Variants in RNF169 observed in about 807,000 individuals in gnomAD.
The protein encoded by RNF169 is E3 ubiquitin-protein ligase RNF169.
RNF169 carries 24 observed loss-of-function variants against 53.9 expected under a neutral mutation model. That is an observed-to-expected ratio of 0.45 (90% CI 0.32 to 0.63). RNF169 has a LOEUF of 0.63. RNF169 is among the 20% of genes least tolerant of loss of function. The probability of loss-of-function intolerance (pLI) is 0.04; values close to 1 mark genes in which losing one functional copy is unlikely to be tolerated. For missense variants in RNF169, 883 were observed against 906.2 expected (o/e 0.97, Z 0.33); for synonymous variants, 396 against 363.5 (o/e 1.09, Z -1.02).
chr11:74,833,848 C>T (rs1307325374), intron 4 of RNF169, among the ~76,000 whole-genome samples: 2 of 152,088 alleles, frequency 1.3e-5, no homozygotes, highest in Admixed American at 6.5e-5. Context: ...CACATATGAT[C>T]CTGGGACAAC....
chr11:74,783,094 G>T (rs1015264986), intron 1 of RNF169, among the ~76,000 whole-genome samples: 2 of 152,020 alleles, frequency 1.3e-5, no homozygotes, highest in African/African-American at 4.8e-5. Flanking sequence ...CTTTCCTTTG[G>T]ATTTGAGTTT....
intron 4 of RNF169, chr11:74,832,047 A>G (rs941361019): frequency 1.3e-5 from 2 of 152,218 alleles, no homozygotes; most frequent in African/African-American, 4.8e-5. Context: ...TAAAACTCTT[A>G]GAAGAAAACA....
chr11:74,781,937 C>G (rs762783857), intron 1 of RNF169, among the ~76,000 whole-genome samples: 2 of 152,160 alleles, frequency 1.3e-5, no homozygotes, highest in Non-Finnish European at 2.9e-5. Flanking sequence ...AGTTAATATT[C>G]AGGGCATAGA....
intron 4 of RNF169, among the ~76,000 whole-genome samples, chr11:74,818,742 G>T (rs1468729214): frequency 6.6e-6 from 1 of 152,060 alleles, no homozygotes; most frequent in African/African-American, 2.4e-5. Context: ...TTTAAAGCTG[G>T]TATTGCTCAC....
At chr11:74,810,431 G>C (rs2035859743) in intron 3 of RNF169, 101 bp downstream of exon 3, 1 of 1,028,092 alleles carries the variant, frequency 9.7e-7, no homozygotes, top group Admixed American at 1.9e-5. Context: ...TGTGAGACCA[G>C]TAACAGTCAG....
chr11:74,810,220 G>T lies in RNF169; in HGVS notation c.613G>T (p.Glu205Ter), dbSNP rs747407784. The T allele has an allele frequency of 6.2e-7, 1 of 1,613,402 alleles. No homozygotes were observed. The highest frequency in any genetic ancestry group is 1.1e-5 in the South Asian group (1 of 91,004). The change falls in exon 3 of 6, where the codon GAA (glutamate) becomes TAA (stop). Residue 205 changes from glutamate to a stop codon, truncating the protein, a stop_gained. Coordinates refer to ENST00000299563, the MANE Select transcript of RNF169 (RefSeq NM_001098638.2). LOFTEE classifies it high-confidence loss of function. The stretch of plus-strand genomic sequence containing the variant: ...AAAGTTACAAGAGGAAAAACCCTCT[G>T]AAGATCAAATCCACAAGCTGTTACC... Reference protein sequence around the residue: ...EEKLQEEKPSEDQIHKLLPED... With the variant: ...EEKLQEEKPS
At chr11:74,783,740 C>T (rs2035450075) in intron 1 of RNF169, among the ~76,000 whole-genome samples, 5 of 152,142 alleles carry the variant, frequency 3.3e-5, no homozygotes, top group South Asian at 2.1e-4. Context: ...TCATTTCACC[C>T]ACAATTTCCT....
rs1359831921 is a variant in RNF169 at position 74,841,319 on chromosome 11, T to G, written c.*4589T>G. 1 of 152,126 alleles carries G rather than the reference T, an allele frequency of 6.6e-6. No individual in the cohort carries two copies. The highest frequency in any genetic ancestry group is 2.4e-5 in the African/African-American group (1 of 41,414). 9.4% of individuals were successfully genotyped at this position (152,126 alleles called of 1,614,324 possible). ...GGGGCGGGGTGGTCAGGAGACAGAT[T>G]CTAGGGAAAGTGCTGAAGAGATTTT... On this transcript the variant is annotated 3_prime_UTR_variant, in exon 6 of 6. Transcript: ENST00000299563.
intron 2 of RNF169, among the ~76,000 whole-genome samples, chr11:74,798,417 G>C (rs533494307): frequency 6.6e-6 from 1 of 152,126 alleles, no homozygotes; most frequent in South Asian, 2.1e-4. Context: ...CTCCCATAGC[G>C]CTCCCAGGCT....
chr11:74,791,655 C>T (rs990310329), intron 2 of RNF169, among the ~76,000 whole-genome samples: 20 of 152,336 alleles, frequency 1.3e-4, no homozygotes, highest in Middle Eastern at 3.4e-3. Flanking sequence ...CCTTTGAAAT[C>T]GGCATGGGTG....
chr11:74,793,750 T>C (rs2035610561), intron 2 of RNF169, among the ~76,000 whole-genome samples: 1 of 152,192 alleles, frequency 6.6e-6, no homozygotes, highest in Admixed American at 6.5e-5. Context: ...TCTAAATATA[T>C]TTAGATTTTT....
At chr11:74,777,505 T>G (rs1360293594) in intron 1 of RNF169, among the ~76,000 whole-genome samples, 10 of 152,204 alleles carry the variant, frequency 6.6e-5, no homozygotes, top group Non-Finnish European at 1.2e-4. Flanking sequence ...TGCCTCTTGC[T>G]GCTTTGACTG....
chr11:74,791,139 C>T (rs764813304), intron 2 of RNF169, among the ~76,000 whole-genome samples: 6 of 152,268 alleles, frequency 3.9e-5, no homozygotes, highest in South Asian at 2.1e-4. Context: ...GTCGTCCGGA[C>T]ATCTACTCAG....
rs184028551 is a variant in RNF169 at position 74,793,814 on chromosome 11, C to T, written c.576+4115C>T. On this transcript the variant is annotated intron_variant, in intron 2 of 5. Coordinates refer to ENST00000299563, the MANE Select transcript of RNF169 (RefSeq NM_001098638.2). Reference sequence around the variant, plus strand: ...TCTTTTTTTAACATAAGAAAAATAACGCAAAAATGATTAGAGCAAAATATG... The same window carrying T: ...TCTTTTTTTAACATAAGAAAAATAATGCAAAAATGATTAGAGCAAAATATG... Among the ~76,000 whole-genome samples the T allele has an allele frequency of 7.5e-4, 114 of 152,078 alleles. 2 individuals are homozygous for T. The South Asian group carries it at 8.5e-3, about 11-fold the overall frequency.
intron 2 of RNF169, among the ~76,000 whole-genome samples, chr11:74,808,894 C>T (rs574470661): frequency 6.6e-6 from 1 of 152,096 alleles, no homozygotes; most frequent in Non-Finnish European, 1.5e-5. Flanking sequence ...CTCCGTGTTC[C>T]TGTTTGGATT....
chr11:74,782,614 A>G (rs913336763), intron 1 of RNF169, among the ~76,000 whole-genome samples: 1 of 152,194 alleles, frequency 6.6e-6, no homozygotes, highest in Non-Finnish European at 1.5e-5. Context: ...GACCACTGAT[A>G]TGGATGGCCC....
chr11:74,797,725 A>G (rs1166446955), intron 2 of RNF169, among the ~76,000 whole-genome samples: 1 of 152,180 alleles, frequency 6.6e-6, no homozygotes, highest in Non-Finnish European at 1.5e-5. Context: ...AGTGGCTCAC[A>G]TCCCAGCACT....
intron 2 of RNF169, among the ~76,000 whole-genome samples, chr11:74,800,797 T>G (rs2035718084): frequency 6.6e-6 from 1 of 152,240 alleles, no homozygotes; most frequent in African/African-American, 2.4e-5. Context: ...TCTTTGTCTT[T>G]TTACAATTGA....
At chr11:74,750,042 G>C (rs1176242483) in intron 1 of RNF169, among the ~76,000 whole-genome samples, 2 of 152,140 alleles carry the variant, frequency 1.3e-5, no homozygotes, top group African/African-American at 4.8e-5. Context: ...GGGTTTAAAA[G>C]TTTTGGAAAC....
Sources: gnomAD v4.1 joint callset for allele counts (sites outside exome capture counted in the v4.1 genomes callset) on GRCh38, gnomAD v4.1.1 for gene constraint, MANE v1.5 for transcripts, NCBI Gene and HGNC (gene_info 2026-07-23, HGNC 2026-07-21) for gene names.